Variants in CREBBP observed in about 807,000 individuals in gnomAD.
CREBBP encodes the protein CREB binding lysine acetyltransferase.
Under a neutral mutation model 265.0 loss-of-function variants are expected in CREBBP, and 19 were observed. The observed-to-expected ratio is 0.07, with a 90% CI of 0.05 to 0.11. The LOEUF is 0.11. CREBBP is among the 10% of genes least tolerant of loss of function. The pLI is 1.00. For missense variants in CREBBP, 2,525 were observed against 3,219.0 expected (o/e 0.78, Z 5.22); for synonymous variants, 1,457 against 1,223.7 (o/e 1.19, Z -3.98).
intron 2 of CREBBP, among the ~76,000 whole-genome samples, chr16:3,835,208 CTAAA>C (rs1276059816): frequency 1.3e-5 from 2 of 151,910 alleles, no homozygotes; most frequent in African/African-American, 4.8e-5. Context: ...AAAAAACAAA[CTAAA>C]TGAATAGAAA....
chr16:3,739,640 A>T lies in CREBBP; in HGVS notation c.4218T>A (p.Asp1406Glu), dbSNP rs2151337048. The T allele has an allele frequency of 1.2e-6, 2 of 1,614,184 alleles. No individual in the cohort carries two copies. Among genetic ancestry groups the T allele is most frequent in the Non-Finnish European group, 1.7e-6 (2 of 1,180,034 alleles). The change falls in exon 25 of 31, where the codon GAT (aspartate) becomes GAA (glutamate). Residue 1406 changes from aspartate to glutamate, a missense_variant. Coordinates refer to ENST00000262367, the MANE Select transcript of CREBBP (RefSeq NM_004380.3). ...LFAFEEIDGV[D>E]VCFFGMHVQE... The stretch of plus-strand genomic sequence containing the variant: ...GGACGTGCATTCCAAAAAAGCAGAC[A>T]TCCACGCCGTCAATTTCCTCAAAAG...
At chr16:3,730,968 T>C (rs1206637516) in intron 30 of CREBBP, among the ~76,000 whole-genome samples, 3 of 152,212 alleles carry the variant, frequency 2.0e-5, no homozygotes, top group Non-Finnish European at 4.4e-5. Flanking sequence ...AGAGCCTCCC[T>C]CTGGCCGTCC....
At chr16:3,761,457 A>C (rs1037306191) in intron 16 of CREBBP, 4 of 496,292 alleles carry the variant, frequency 8.1e-6, no homozygotes, top group Non-Finnish European at 1.2e-5. Context: ...TGAAAGCAAA[A>C]GTTAAAAGTT....
chr16:3,838,542 C>T (rs1420194634), intron 2 of CREBBP, among the ~76,000 whole-genome samples: 1 of 152,084 alleles, frequency 6.6e-6, no homozygotes, highest in African/African-American at 2.4e-5. Context: ...AAAAAGTTAA[C>T]TGGAAATACT....
At chr16:3,760,390 GGTTTTTTTTT>G in intron 16 of CREBBP, among the ~76,000 whole-genome samples, 1 of 121,180 alleles carries the variant, frequency 8.3e-6, no homozygotes, top group East Asian at 2.6e-4. Context: ...ATCATGCCCA[GGTTTTTTTTT>G]TTTTTTTTTT....
intron 2 of CREBBP, among the ~76,000 whole-genome samples, chr16:3,834,193 G>C (rs1278628284): frequency 6.6e-6 from 1 of 152,134 alleles, no homozygotes; most frequent in Non-Finnish European, 1.5e-5. Flanking sequence ...TAGACACTTT[G>C]GAAGACATTT....
chr16:3,757,021 G>A (rs961309456), intron 19 of CREBBP, among the ~76,000 whole-genome samples: 33 of 152,226 alleles, frequency 2.2e-4, no homozygotes, highest in African/African-American at 7.0e-4. Flanking sequence ...CACTGAAACC[G>A]AGCCACTTTT....
chr16:3,829,014 T>A (rs768936907), intron 2 of CREBBP, among the ~76,000 whole-genome samples: 2 of 151,838 alleles, frequency 1.3e-5, no homozygotes, highest in Non-Finnish European at 2.9e-5. Context: ...TGGATCACAC[T>A]GAAATTTTAT....
In CREBBP at chr16:3,880,324, TC is replaced by T. The variant is rs1421890167; in HGVS notation, c.-409del. The T allele has an allele frequency of 1.4e-4, 15 of 108,178 alleles. No homozygotes were observed. In the East Asian group the frequency reaches 2.9e-3, roughly 21 times the overall value. 6.7% of individuals were successfully genotyped at this position (108,178 alleles called of 1,614,324 possible). The stretch of plus-strand genomic sequence containing the variant: ...GGTGCCGCCGCCGCCGCCGCCTCGC[TC>T]CCCCCCCGCGCCCCACTTAATGAAT... On this transcript the variant is annotated 5_prime_UTR_variant, in exon 1 of 31. Coordinates refer to ENST00000262367, the MANE Select transcript of CREBBP (RefSeq NM_004380.3).
chr16:3,759,074 C>G, intron 16 of CREBBP, 102 bp from the exon 17 acceptor site: 1 of 917,812 alleles, frequency 1.1e-6, no homozygotes, highest in South Asian at 1.3e-5. Context: ...ATCCCAGCCA[C>G]GATGCTCCTA....
intron 5 of CREBBP, among the ~76,000 whole-genome samples, chr16:3,786,323 GC>G (rs1230679206): frequency 6.6e-6 from 1 of 152,008 alleles, no homozygotes; most frequent in East Asian, 1.9e-4. Flanking sequence ...CTGAGATCGC[GC>G]CACTACACTC....
intron 2 of CREBBP, among the ~76,000 whole-genome samples, chr16:3,845,844 G>C (rs2054655729): frequency 7.3e-6 from 1 of 137,432 alleles, no homozygotes; most frequent in African/African-American, 2.8e-5. Flanking sequence ...CTGAGATCAT[G>C]CTACTGCACT....
intron 2 of CREBBP, among the ~76,000 whole-genome samples, chr16:3,812,019 T>C (rs1215582408): frequency 3.3e-5 from 5 of 151,936 alleles, no homozygotes; most frequent in African/African-American, 1.2e-4. Flanking sequence ...CCTGAGTTGC[T>C]TAAGGGTCAC....
chr16:3,812,805 G>A, intron 2 of CREBBP: 1 of 181,104 alleles, frequency 5.5e-6, no homozygotes, highest in Non-Finnish European at 1.2e-5. Flanking sequence ...TCCACCTTCT[G>A]TCTATTGTGT....
At chr16:3,817,214 A>G (rs2054055408) in intron 2 of CREBBP, among the ~76,000 whole-genome samples, 1 of 152,148 alleles carries the variant, frequency 6.6e-6, no homozygotes, top group African/African-American at 2.4e-5. Flanking sequence ...GGGCCAGGAA[A>G]ACCCTGACTT....
intron 4 of CREBBP, among the ~76,000 whole-genome samples, 158 bp from the exon 5 acceptor site, chr16:3,792,252 A>G (rs2053521750): frequency 6.6e-6 from 1 of 152,234 alleles, no homozygotes; most frequent in Admixed American, 6.5e-5. Context: ...GCTGTTTTCC[A>G]AAAAGTTTGT....
intron 19 of CREBBP, 132 bp downstream of exon 19, chr16:3,757,156 G>A (rs535664266): frequency 7.9e-6 from 6 of 762,592 alleles, no homozygotes; most frequent in South Asian, 7.4e-5. Flanking sequence ...TTACAGGCGT[G>A]AGCCACCACA....
chr16:3,729,891 G>A lies in CREBBP; in HGVS notation c.5173-17C>T, dbSNP rs2051864796. On this transcript the variant is annotated splice_polypyrimidine_tract_variant and intron_variant, in intron 30 of 30. Coordinates refer to ENST00000262367, the MANE Select transcript of CREBBP (RefSeq NM_004380.3). ...GTCGTAGTCCTGCAAGCAAGGAAAG[G>A]GGACAGGCCGGTGTCAGCATGGGAC... The A allele has an allele frequency of 6.3e-7, 1 of 1,599,618 alleles. No homozygotes were observed. Among genetic ancestry groups the A allele is most frequent in the African/African-American group, 1.3e-5 (1 of 75,048 alleles).
intron 3 of CREBBP, among the ~76,000 whole-genome samples, chr16:3,794,295 G>A (rs149664759): frequency 0.01 from 1,142 of 114,048 alleles, 11 homozygotes; most frequent in Middle Eastern, 0.047. Context: ...TGGCGCCACC[G>A]CACTCCAGCC....
Sources: allele counts gnomAD v4.1 joint callset (sites outside exome capture counted in the v4.1 genomes callset), GRCh38; gene constraint gnomAD v4.1.1; transcripts MANE v1.5; gene names NCBI Gene and HGNC (gene_info 2026-07-23, HGNC 2026-07-21).